The following PTPRD variants were observed in gnomAD, a reference collection of about 807,000 sequenced individuals.
The protein encoded by PTPRD is receptor-type tyrosine-protein phosphatase delta.
Under a neutral mutation model 214.5 loss-of-function variants are expected in PTPRD, and 34 were observed. The observed-to-expected ratio is 0.16, with a 90% CI of 0.12 to 0.21. PTPRD has a LOEUF of 0.21. PTPRD is among the 10% of genes least tolerant of loss of function. The pLI is 1.00. For missense variants in PTPRD, 2,545 were observed against 2,398.7 expected, an observed-to-expected ratio of 1.06 and a Z score of -1.27; for synonymous variants, 1,128 against 845.7, an observed-to-expected ratio of 1.33 and a Z score of -5.79.
chr9:9,963,836 G>A (rs1370514654), intron 4 of PTPRD, among the ~76,000 whole-genome samples: 4 of 152,134 alleles, frequency 2.6e-5, no homozygotes, highest in African/African-American at 9.7e-5. Flanking sequence ...GCTGTCAAAG[G>A]ATTCATCAAC....
chr9:9,402,658 C>T (rs1044480100), intron 8 of PTPRD, among the ~76,000 whole-genome samples: 1 of 151,528 alleles, frequency 6.6e-6, no homozygotes, highest in Non-Finnish European at 1.5e-5. Context: ...TAATGCAATT[C>T]CAAACATAGA....
At chr9:8,687,912 T>C (rs1174816466) in intron 12 of PTPRD, among the ~76,000 whole-genome samples, 3 of 152,188 alleles carry the variant, frequency 2.0e-5, no homozygotes, top group East Asian at 1.9e-4. Flanking sequence ...TTTGATAATC[T>C]ATATGTATAA....
At chr9:9,300,306 A>C (rs1474473439) in intron 9 of PTPRD, among the ~76,000 whole-genome samples, 1 of 151,676 alleles carries the variant, frequency 6.6e-6, no homozygotes, top group African/African-American at 2.4e-5. Flanking sequence ...TGTATACACT[A>C]TTTTGTATCT....
At chr9:9,052,316 G>C (rs893842493) in intron 10 of PTPRD, among the ~76,000 whole-genome samples, 5 of 152,060 alleles carry the variant, frequency 3.3e-5, no homozygotes, top group Non-Finnish European at 7.4e-5. Context: ...ATATGAATTT[G>C]GGGAACATAA....
intron 4 of PTPRD, among the ~76,000 whole-genome samples, chr9:9,987,340 G>C (rs2095751481): frequency 6.6e-6 from 1 of 152,124 alleles, no homozygotes; most frequent in Non-Finnish European, 1.5e-5. Flanking sequence ...GCCGGAGACT[G>C]GGCAATTTAC....
intron 11 of PTPRD, among the ~76,000 whole-genome samples, chr9:9,002,075 C>T (rs1419732855): frequency 2.6e-5 from 4 of 151,770 alleles, no homozygotes; most frequent in African/African-American, 4.8e-5. Flanking sequence ...TCAAATCACT[C>T]TAATCATCGT....
chr9:8,544,932 G>A (rs981137216), intron 14 of PTPRD, among the ~76,000 whole-genome samples: 1 of 79,230 alleles, frequency 1.3e-5, no homozygotes, highest in Non-Finnish European at 2.4e-5. Flanking sequence ...AGGCACTTTT[G>A]TATCAAAGTG....
chr9:9,993,363 C>T (rs761162456), intron 4 of PTPRD, among the ~76,000 whole-genome samples: 3 of 152,056 alleles, frequency 2.0e-5, no homozygotes, highest in South Asian at 4.1e-4. Context: ...TGTTCAAGGT[C>T]GTATGTTTTT....
rs532338798 is a variant in PTPRD at position 9,633,844 on chromosome 9, G to A, written c.-286-59063C>T. On this transcript the variant is annotated intron_variant, in intron 7 of 45. Transcript: ENST00000381196. ...AAAATAATGTGTTGTCTTTTCCAGT[G>A]CAAATCATTAACATAAATAGATTGT... Among the ~76,000 whole-genome samples the A allele has an allele frequency of 2.0e-5, 3 of 152,170 alleles. No individual in the cohort carries two copies. In the East Asian group the frequency reaches 5.8e-4, roughly 29 times the overall value.
chr9:10,467,095 C>A (rs182032548), intron 2 of PTPRD, among the ~76,000 whole-genome samples: 1 of 152,108 alleles, frequency 6.6e-6, no homozygotes, highest in Admixed American at 6.6e-5. Context: ...AAGACATTGC[C>A]AGTTGTTTTG....
chr9:8,704,710 C>T (rs1343565327), intron 12 of PTPRD, among the ~76,000 whole-genome samples: 3 of 150,486 alleles, frequency 2.0e-5, no homozygotes, highest in Non-Finnish European at 1.5e-5. Context: ...GAGCGGATCA[C>T]GAGGTCAGGA....
At chr9:8,433,581 T>G (rs955823029) in intron 35 of PTPRD, among the ~76,000 whole-genome samples, 1 of 152,144 alleles carries the variant, frequency 6.6e-6, no homozygotes, top group African/African-American at 2.4e-5. Context: ...TAGGCCTAGA[T>G]TAATGCATGT....
At chr9:8,855,478 T>C (rs755741282) in intron 11 of PTPRD, among the ~76,000 whole-genome samples, 1 of 152,158 alleles carries the variant, frequency 6.6e-6, no homozygotes, top group Non-Finnish European at 1.5e-5. Context: ...CACAATAAAA[T>C]GTTTAATTCA....
At chr9:8,696,487 C>A (rs934631842) in intron 12 of PTPRD, among the ~76,000 whole-genome samples, 1 of 151,992 alleles carries the variant, frequency 6.6e-6, no homozygotes, top group Non-Finnish European at 1.5e-5. Context: ...CCAGATGGGA[C>A]GTGTTATGAA....
At chr9:10,548,509 T>C (rs933597211) in intron 2 of PTPRD, among the ~76,000 whole-genome samples, 2 of 152,174 alleles carry the variant, frequency 1.3e-5, no homozygotes, top group Non-Finnish European at 2.9e-5. Flanking sequence ...GCTCAGCTGT[T>C]CTGTGAAAGC....
chr9:8,533,018 C>G (rs1302675879), intron 14 of PTPRD, among the ~76,000 whole-genome samples: 1 of 152,054 alleles, frequency 6.6e-6, no homozygotes, highest in Non-Finnish European at 1.5e-5. Flanking sequence ...GGAAAATAGT[C>G]TGACACTGTT....
chr9:9,357,151 G>A (rs887151790), intron 9 of PTPRD, among the ~76,000 whole-genome samples: 5 of 151,120 alleles, frequency 3.3e-5, no homozygotes, highest in Non-Finnish European at 7.4e-5. Context: ...TTATTTTAAC[G>A]GATTCCCAGC....
At chr9:9,614,701 A>G (rs1024125962) in intron 7 of PTPRD, among the ~76,000 whole-genome samples, 1 of 152,208 alleles carries the variant, frequency 6.6e-6, no homozygotes, top group African/African-American at 2.4e-5. Context: ...ATAGATATTC[A>G]TATTTAAATT....
intron 3 of PTPRD, among the ~76,000 whole-genome samples, chr9:10,103,110 C>T: frequency 6.6e-6 from 1 of 151,376 alleles, no homozygotes; most frequent in African/African-American, 2.4e-5. Flanking sequence ...GGTCTATAGA[C>T]CTAGTATAGC....
Sources: gnomAD v4.1 joint callset for allele counts (sites outside exome capture counted in the v4.1 genomes callset) on GRCh38, gnomAD v4.1.1 for gene constraint, MANE v1.5 for transcripts, NCBI Gene and HGNC (gene_info 2026-07-23, HGNC 2026-07-21) for gene names.